PCDH9: variants seen among roughly 807,000 people sequenced by gnomAD.
The protein encoded by PCDH9 is protocadherin 9.
A neutral mutation model predicts 70.6 loss-of-function variants in PCDH9; 24 were observed. That is an observed-to-expected ratio of 0.34 (90% CI 0.25 to 0.48). PCDH9 has a LOEUF of 0.48. Among genes scored for constraint, PCDH9 ranks in the 20% least tolerant of loss-of-function variants. The pLI is 0.99. For synonymous variants in PCDH9, 562 were observed against 558.5 expected (o/e 1.01, Z -0.09); for missense variants, 1,281 against 1,503.6 (o/e 0.85, Z 2.45).
At chr13:67,203,803 A>C (rs1430853881) in intron 2 of PCDH9, 1 of 152,120 alleles carries the variant, frequency 6.6e-6, no homozygotes, top group Non-Finnish European at 1.5e-5. Context: ...CAGAAATTTT[A>C]TTAAAGCACC....
chr13:66,553,954 G>A (rs149220854), intron 4 of PCDH9, among the ~76,000 whole-genome samples: 3 of 152,016 alleles, frequency 2.0e-5, no homozygotes, highest in Non-Finnish European at 4.4e-5. Flanking sequence ...GCTTTGTGGA[G>A]GTTTCTGAGC....
At chr13:66,425,279 C>A (rs1957649592) in intron 4 of PCDH9, among the ~76,000 whole-genome samples, 1 of 151,640 alleles carries the variant, frequency 6.6e-6, no homozygotes, top group East Asian at 1.9e-4. Context: ...ACTTTGATCA[C>A]AGTTAACTTT....
At chr13:66,646,867 G>A (rs2077777624) in intron 3 of PCDH9, among the ~76,000 whole-genome samples, 2 of 152,172 alleles carry the variant, frequency 1.3e-5, no homozygotes, top group South Asian at 4.1e-4. Flanking sequence ...GTGGCTTTGT[G>A]GTGTGGAGAC....
intron 4 of PCDH9, among the ~76,000 whole-genome samples, chr13:66,615,303 A>G (rs923029599): frequency 6.6e-6 from 1 of 152,148 alleles, no homozygotes; most frequent in East Asian, 1.9e-4. Context: ...ATGATGCTCA[A>G]TCTTCTTTAG....
At chr13:66,481,597 A>G (rs1958838024) in intron 4 of PCDH9, among the ~76,000 whole-genome samples, 1 of 152,172 alleles carries the variant, frequency 6.6e-6, no homozygotes, top group African/African-American at 2.4e-5. Flanking sequence ...CTTTATTGTG[A>G]TATTTGCTTT....
chr13:66,783,781 C>A (rs9571669), intron 3 of PCDH9, among the ~76,000 whole-genome samples: 36,765 of 151,946 alleles, frequency 0.24, 5,390 homozygotes, highest in East Asian at 0.43. Context: ...AAACATTATA[C>A]GTCCTCTATT....
chr13:66,837,897 C>G (rs900670310), intron 3 of PCDH9, among the ~76,000 whole-genome samples: 22 of 151,952 alleles, frequency 1.4e-4, no homozygotes, highest in African/African-American at 5.1e-4. Flanking sequence ...AGGGTTTCTT[C>G]CTCTCCCATT....
chr13:67,117,537 C>T (rs2086801532), intron 2 of PCDH9, among the ~76,000 whole-genome samples: 1 of 151,836 alleles, frequency 6.6e-6, no homozygotes, highest in African/African-American at 2.4e-5. Flanking sequence ...ATGAGAAACA[C>T]GGAAGTAAGA....
chr13:66,849,517 T>TATATATATATAG (rs1272589939), intron 3 of PCDH9, among the ~76,000 whole-genome samples: 4 of 63,582 alleles, frequency 6.3e-5, no homozygotes, highest in Admixed American at 2.0e-4. Flanking sequence ...TATATATATA[T>TATATATATATAG]AGAGAGAGAG....
intron 4 of PCDH9, among the ~76,000 whole-genome samples, chr13:66,481,952 A>G (rs999909229): frequency 1.3e-5 from 2 of 152,086 alleles, no homozygotes; most frequent in Non-Finnish European, 2.9e-5. Context: ...GCACACACAC[A>G]CACACACACA....
intron 3 of PCDH9, among the ~76,000 whole-genome samples, chr13:66,874,895 T>C (rs1392923248): frequency 6.8e-6 from 1 of 148,132 alleles, no homozygotes; most frequent in Admixed American, 6.8e-5. Flanking sequence ...AGATAATATA[T>C]TGTGTGTACA....
intron 3 of PCDH9, among the ~76,000 whole-genome samples, chr13:66,869,609 G>A (rs1326165548): frequency 6.6e-6 from 1 of 151,988 alleles, no homozygotes; most frequent in Non-Finnish European, 1.5e-5. Flanking sequence ...TGATAATATT[G>A]ATGCAAAAAT....
chr13:67,191,959 C>A (rs78228211), intron 2 of PCDH9, among the ~76,000 whole-genome samples: 1 of 151,710 alleles, frequency 6.6e-6, no homozygotes, highest in Admixed American at 6.6e-5. Flanking sequence ...TAAATCAACA[C>A]ATTAAAATTA....
intron 3 of PCDH9, among the ~76,000 whole-genome samples, chr13:66,891,026 A>G (rs751826196): frequency 6.6e-6 from 1 of 151,990 alleles, no homozygotes; most frequent in South Asian, 2.1e-4. Flanking sequence ...CCTTTTCCAG[A>G]ATGTCGCAGA....
chr13:66,352,598 G>T (rs1380281373), intron 4 of PCDH9, among the ~76,000 whole-genome samples: 1 of 151,948 alleles, frequency 6.6e-6, no homozygotes, highest in East Asian at 1.9e-4. Flanking sequence ...CTTCTTATGA[G>T]GACACTAATC....
chr13:66,528,550 A>G (rs1960308953), intron 4 of PCDH9, among the ~76,000 whole-genome samples: 1 of 152,168 alleles, frequency 6.6e-6, no homozygotes. Context: ...AAAGGAAACA[A>G]TCTTTCTTCA....
chr13:66,533,052 T>C (rs1960536400), intron 4 of PCDH9, among the ~76,000 whole-genome samples: 1 of 152,168 alleles, frequency 6.6e-6, no homozygotes, highest in Admixed American at 6.6e-5. Flanking sequence ...GCCACTTATG[T>C]GCCCACACTG....
rs556176845 is a variant in PCDH9 at position 66,470,772 on chromosome 13, G to A, written c.3340+160438C>T. The stretch of plus-strand genomic sequence containing the variant: ...AGCTCACATAAGAATTAGCACTAAG[G>A]ACTGTGTAGACAAATGACTGGGATC... On this transcript the variant is annotated intron_variant, in intron 4 of 4. Transcript: ENST00000377865. Among the ~76,000 whole-genome samples, 113 of 151,206 alleles carry A rather than the reference G, an allele frequency of 7.5e-4. 3 individuals are homozygous for A. In the South Asian group the frequency reaches 0.015, roughly 19 times the overall value.
At chr13:66,451,271 A>C (rs970369493) in intron 4 of PCDH9, among the ~76,000 whole-genome samples, 2 of 152,210 alleles carry the variant, frequency 1.3e-5, no homozygotes, top group Non-Finnish European at 2.9e-5. Flanking sequence ...GGAAATATGA[A>C]TCTAATTTAG....
Sources: allele counts gnomAD v4.1 joint callset (sites outside exome capture counted in the v4.1 genomes callset), GRCh38; gene constraint gnomAD v4.1.1; transcripts MANE v1.5; gene names NCBI Gene and HGNC (gene_info 2026-07-23, HGNC 2026-07-21).